The following CFAP210 variants were observed in gnomAD, a reference collection of about 807,000 sequenced individuals.
CFAP210 encodes the protein cilia- and flagella- associated protein 210.
the CFAP210 span, among the ~76,000 whole-genome samples, chr2:169,679,230 C>G: frequency 0.016 from 2,415 of 152,208 alleles, 66 homozygotes; most frequent in African/African-American, 0.055. Context: ...TATTTCTTTC[C>G]AACTTTTATT....
At chr2:169,661,304 T>A in the CFAP210 span, 1 of 515,434 alleles carries the variant, frequency 1.9e-6, no homozygotes, top group Non-Finnish European at 3.8e-6. Context: ...AATACTACAT[T>A]CACCTAATTA....
At chr2:169,692,444 G>GCGCACACACA in the CFAP210 span, among the ~76,000 whole-genome samples, 659 of 143,786 alleles carry the variant, frequency 4.6e-3, 2 homozygotes, top group South Asian at 0.022. Flanking sequence ...ACAGGCGCAC[G>GCGCACACACA]CACACACACA....
chr2:169,680,962 A>C, the CFAP210 span: 2 of 1,496,096 alleles, frequency 1.3e-6, no homozygotes, highest in South Asian at 1.2e-5. Flanking sequence ...AAGAAACAAG[A>C]GTAAGTCTTC....
At chr2:169,649,435 G>T in the CFAP210 span, 1 of 1,219,026 alleles carries the variant, frequency 8.2e-7, no homozygotes, top group Non-Finnish European at 1.1e-6. Context: ...AGTTGAAGCA[G>T]AGGAGAGTCA....
chr2:169,646,760 T>C, the CFAP210 span, among the ~76,000 whole-genome samples: 1 of 152,196 alleles, frequency 6.6e-6, no homozygotes, highest in Non-Finnish European at 1.5e-5. Flanking sequence ...CAAAAGCCAA[T>C]TTACCAATAT....
the CFAP210 span, chr2:169,694,299 C>A: frequency 4.2e-4 from 671 of 1,614,064 alleles, 3 homozygotes; most frequent in African/African-American, 7.7e-3. Flanking sequence ...CCGTCCAAAC[C>A]GTACCAGCAT....
chr2:169,657,009 G>C, the CFAP210 span, among the ~76,000 whole-genome samples: 1 of 123,594 alleles, frequency 8.1e-6, no homozygotes, highest in Non-Finnish European at 1.8e-5. Flanking sequence ...AAAAAAAAGA[G>C]AAGAAGGTGT....
At chr2:169,645,530 T>G in the CFAP210 span, 1 of 246,866 alleles carries the variant, frequency 4.1e-6, no homozygotes, top group Non-Finnish European at 7.9e-6. Flanking sequence ...AATGAATGGG[T>G]ATGGGGTTTC....
the CFAP210 span, among the ~76,000 whole-genome samples, chr2:169,654,871 G>A: frequency 5.3e-3 from 808 of 152,028 alleles, 13 homozygotes; most frequent in African/African-American, 0.018. Flanking sequence ...ACAGTGTAGC[G>A]AGCGTCCTTC....
At chr2:169,651,699 A>G in the CFAP210 span, among the ~76,000 whole-genome samples, 3 of 152,124 alleles carry the variant, frequency 2.0e-5, no homozygotes, top group South Asian at 6.2e-4. Flanking sequence ...TGCTTACTCT[A>G]TCATTGGAGG....
At chr2:169,674,489 G>A in the CFAP210 span, 1 of 1,102,286 alleles carries the variant, frequency 9.1e-7, no homozygotes, top group Non-Finnish European at 1.3e-6. Flanking sequence ...AATTATTTTA[G>A]CATGTATTAC....
the CFAP210 span, among the ~76,000 whole-genome samples, chr2:169,646,709 T>C: frequency 6.6e-6 from 1 of 152,226 alleles, no homozygotes; most frequent in African/African-American, 2.4e-5. Context: ...TTTATCAATG[T>C]AGGTTGAGAA....
the CFAP210 span, chr2:169,659,221 A>C: frequency 6.6e-6 from 1 of 152,274 alleles, no homozygotes; most frequent in Non-Finnish European, 1.5e-5. Context: ...CCAAGTTTGG[A>C]AGTTTTGGCA....
At chr2:169,666,804 T>C in the CFAP210 span, among the ~76,000 whole-genome samples, 5 of 152,294 alleles carry the variant, frequency 3.3e-5, no homozygotes, top group South Asian at 4.1e-4. Context: ...ACTAAGTTTA[T>C]ATAATATTCT....
chr2:169,650,657 ATTATT>A, the CFAP210 span: 39 of 1,107,698 alleles, frequency 3.5e-5, no homozygotes, highest in Middle Eastern at 6.4e-4. Context: ...CCTTACATAT[ATTATT>A]TTAAGTGGAC....
At chr2:169,674,205 G>A in the CFAP210 span, among the ~76,000 whole-genome samples, 3 of 152,134 alleles carry the variant, frequency 2.0e-5, no homozygotes, top group African/African-American at 7.2e-5. Flanking sequence ...CTGAACCTCA[G>A]AATGTATACA....
At chr2:169,678,900 A>G in the CFAP210 span, among the ~76,000 whole-genome samples, 7 of 152,278 alleles carry the variant, frequency 4.6e-5, no homozygotes, top group Non-Finnish European at 8.8e-5. Flanking sequence ...GAATAGTGAA[A>G]ACAACTTTGA....
the CFAP210 span, among the ~76,000 whole-genome samples, chr2:169,665,667 A>G: frequency 6.6e-6 from 1 of 152,186 alleles, no homozygotes; most frequent in East Asian, 1.9e-4. Context: ...ACAAGGAAAC[A>G]AGGCTTGCTG....
the CFAP210 span, among the ~76,000 whole-genome samples, chr2:169,662,837 G>C: frequency 6.6e-6 from 1 of 152,198 alleles, no homozygotes; most frequent in African/African-American, 2.4e-5. Flanking sequence ...GCAGTTTGAT[G>C]GAATGAAAGG....
Sources: allele counts gnomAD v4.1 joint callset (sites outside exome capture counted in the v4.1 genomes callset), GRCh38; gene constraint gnomAD v4.1.1; transcripts MANE v1.5; gene names NCBI Gene and HGNC (gene_info 2026-07-23, HGNC 2026-07-21).